Variants in JAM2 observed in about 807,000 individuals in gnomAD.
JAM2 encodes the protein junctional adhesion molecule 2, also known as junctional adhesion molecule B.
In JAM2, 17 loss-of-function variants were observed where a neutral mutation model predicts 42.0. The ratio of observed to expected loss-of-function variants is 0.40; its 90% CI spans 0.28 to 0.61. The LOEUF (loss-of-function observed/expected upper bound fraction) is 0.61, where lower values mean the gene tolerates loss of function less well. Among genes scored for constraint, JAM2 ranks in the 20% least tolerant of loss-of-function variants. The probability of loss-of-function intolerance (pLI) is 0.37; values close to 1 mark genes in which losing one functional copy is unlikely to be tolerated. For missense variants in JAM2, 319 were observed against 358.3 expected (o/e 0.89, Z 0.89); for synonymous variants, 118 against 128.6 (o/e 0.92, Z 0.56).
At chr21:25,662,412 A>G (rs1279920071) in intron 1 of JAM2, among the ~76,000 whole-genome samples, 1 of 147,142 alleles carries the variant, frequency 6.8e-6, no homozygotes, top group South Asian at 2.2e-4. Flanking sequence ...AGCCTCCCAG[A>G]GTGCTAGGAT....
rs377500824 is a variant in JAM2 at position 25,716,963 on chromosome 21, C to A, written c.*2291C>A. ...ATCAACTTCTTCAGTTTAAATGACA[C>A]AAATCCATATTGTGGAAGGAAAATA... On this transcript the variant is annotated 3_prime_UTR_variant, in exon 10 of 10. Transcript: ENST00000480456. 3.9e-5 allele frequency: 6 copies of A among 152,234 alleles called. No individual in the cohort carries two copies. Among genetic ancestry groups the A allele is most frequent in the African/African-American group, 1.2e-4 (5 of 41,468 alleles). The allele number at this position is 152,234 out of a possible 1,614,324, so 9.4% of individuals were successfully genotyped here.
At chr21:25,647,936 C>T (rs1390028210) in intron 1 of JAM2, among the ~76,000 whole-genome samples, 1 of 152,178 alleles carries the variant, frequency 6.6e-6, no homozygotes, top group African/African-American at 2.4e-5. Flanking sequence ...GAGGGCTGGG[C>T]GCTGTGACTC....
Position 25,681,460 on chromosome 21 carries a change from A to G in JAM2, c.68-2423A>G, listed in dbSNP as rs537471385. On this transcript the variant is annotated intron_variant, in intron 1 of 9. Coordinates refer to ENST00000480456, the MANE Select transcript of JAM2 (RefSeq NM_021219.4). ...GTGGGGAAAAGCCCCTTATAAAACCATCAGATCTCGTGAGAACTCACTCAC... is the reference window on the plus strand; with the variant it reads ...GTGGGGAAAAGCCCCTTATAAAACCGTCAGATCTCGTGAGAACTCACTCAC... 2.0e-5 allele frequency among the ~76,000 whole-genome samples: 3 copies of G among 152,302 alleles called. No individual in the cohort carries two copies. The East Asian group carries it at 5.8e-4, about 29-fold the overall frequency.
At chr21:25,694,718 T>C (rs538243321) in intron 4 of JAM2, among the ~76,000 whole-genome samples, 7 of 152,176 alleles carry the variant, frequency 4.6e-5, no homozygotes, top group Non-Finnish European at 1.0e-4. Flanking sequence ...TATGCACCTG[T>C]AGTCTCAGCT....
intron 1 of JAM2, among the ~76,000 whole-genome samples, chr21:25,679,666 T>C (rs2123361846): frequency 6.6e-6 from 1 of 152,354 alleles, no homozygotes; most frequent in East Asian, 1.9e-4. Flanking sequence ...TGGGGTTACG[T>C]TGGTGTCCTA....
intron 1 of JAM2, among the ~76,000 whole-genome samples, chr21:25,675,146 T>C (rs1402433267): frequency 1.3e-5 from 2 of 152,040 alleles, no homozygotes; most frequent in Admixed American, 6.6e-5. Context: ...TCTCACATGG[T>C]GTGACAGGCA....
chr21:25,667,895 T>A (rs1236079765), intron 1 of JAM2, among the ~76,000 whole-genome samples: 3 of 151,836 alleles, frequency 2.0e-5, no homozygotes, highest in Non-Finnish European at 1.5e-5. Context: ...TTTGAAAATA[T>A]GAAAAAAGAA....
intron 3 of JAM2, among the ~76,000 whole-genome samples, chr21:25,693,112 T>TA (rs1223896526): frequency 6.6e-6 from 1 of 152,152 alleles, no homozygotes; most frequent in African/African-American, 2.4e-5. Context: ...TTATTAACCT[T>TA]ACACATAAAG....
At position 25,689,920 on chromosome 21, in the gene JAM2, G is replaced by A. The variant is rs1459974190; in HGVS notation, c.188G>A (p.Trp63Ter). Reference sequence around the variant, plus strand: ...AAGACTGTTTCCTCCAGATTAGAGTGGAAGAAACTGGGTCGGAGTGTCTCC... The same window carrying A: ...AAGACTGTTTCCTCCAGATTAGAGTAGAAGAAACTGGGTCGGAGTGTCTCC... Reference protein sequence around the residue: ...PKKTVSSRLEWKKLGRSVSFV... With the variant: ...PKKTVSSRLE The change falls in exon 3 of 10, where the codon TGG (tryptophan) becomes TAG (stop). Residue 63 changes from tryptophan (W) to a stop codon, truncating the protein, a stop_gained. Coordinates refer to ENST00000480456, the MANE Select transcript of JAM2 (RefSeq NM_021219.4). LOFTEE classifies it high-confidence loss of function. 1 of 1,613,752 alleles carries A rather than the reference G, an allele frequency of 6.2e-7. No individual in the cohort carries two copies. Among genetic ancestry groups the A allele is most frequent in the Non-Finnish European group, 8.5e-7 (1 of 1,179,826 alleles).
At position 25,712,371 on chromosome 21, in the gene JAM2, A is replaced by G. The variant is rs2034401624; in HGVS notation, c.853A>G (p.Met285Val). Reference sequence around the variant, plus strand: ...TAATTCTTCATCTAAAGCCACGACAATGAGTGAAAATGTGAGTATCTTTAA... The same window carrying G: ...TAATTCTTCATCTAAAGCCACGACAGTGAGTGAAAATGTGAGTATCTTTAA... ...KSNSSSKATT[M>V]SENDFKHTKS... Residue 285 changes from methionine (M) to valine (V), a missense_variant, in exon 9 of 10, where the codon ATG becomes GTG. By Grantham distance (21) the Met-to-Val change is conservative. Coordinates refer to ENST00000480456, the MANE Select transcript of JAM2 (RefSeq NM_021219.4). 2 of 1,594,314 alleles carry G rather than the reference A, an allele frequency of 1.3e-6. No homozygotes were observed. Among genetic ancestry groups the G allele is most frequent in the Non-Finnish European group, 1.7e-6 (2 of 1,162,804 alleles).
chr21:25,699,282 T>C (rs1162929793), intron 5 of JAM2, among the ~76,000 whole-genome samples: 1 of 152,150 alleles, frequency 6.6e-6, no homozygotes, highest in Non-Finnish European at 1.5e-5. Flanking sequence ...AAAGGAAATG[T>C]TTATTATTTG....
chr21:25,670,443 G>T (rs1244223236), intron 1 of JAM2, among the ~76,000 whole-genome samples: 5 of 151,782 alleles, frequency 3.3e-5, no homozygotes, highest in Non-Finnish European at 5.9e-5. Flanking sequence ...CTATGATCAC[G>T]CCACTGCACT....
intron 1 of JAM2, among the ~76,000 whole-genome samples, chr21:25,658,529 T>C (rs930096423): frequency 1.3e-5 from 2 of 151,960 alleles, no homozygotes; most frequent in African/African-American, 4.8e-5. Context: ...TGTGAAAGAA[T>C]ATAAAAGAGC....
chr21:25,648,910 A>C (rs964181203), intron 1 of JAM2, among the ~76,000 whole-genome samples: 2 of 152,068 alleles, frequency 1.3e-5, no homozygotes, highest in East Asian at 3.8e-4. Context: ...AAAATTATAT[A>C]ACTTTTTAGC....
intron 4 of JAM2, among the ~76,000 whole-genome samples, chr21:25,694,946 A>G (rs1048592403): frequency 3.3e-5 from 5 of 150,958 alleles, no homozygotes; most frequent in African/African-American, 9.7e-5. Context: ...ACCAAGTTAC[A>G]AGACTAAAAC....
At chr21:25,649,211 C>T (rs996910679) in intron 1 of JAM2, among the ~76,000 whole-genome samples, 1 of 152,120 alleles carries the variant, frequency 6.6e-6, no homozygotes, top group African/African-American at 2.4e-5. Flanking sequence ...GAACAAAGCA[C>T]GTATTAGTGT....
intron 7 of JAM2, among the ~76,000 whole-genome samples, chr21:25,708,456 T>C (rs77444074): frequency 0.022 from 3,376 of 152,280 alleles, 133 homozygotes; most frequent in African/African-American, 0.077. Flanking sequence ...TAGTTCCAGC[T>C]ACTCAGGAGG....
At chr21:25,669,161 C>T (rs1474182365) in intron 1 of JAM2, among the ~76,000 whole-genome samples, 1 of 151,914 alleles carries the variant, frequency 6.6e-6, no homozygotes, top group African/African-American at 2.4e-5. Context: ...TCACTTGAGC[C>T]CACAAGTTTG....
At chr21:25,690,774 G>T (rs1162041450) in intron 3 of JAM2, among the ~76,000 whole-genome samples, 2 of 152,184 alleles carry the variant, frequency 1.3e-5, no homozygotes, top group African/African-American at 4.8e-5. Flanking sequence ...CCACTGAGAA[G>T]CTCAGGGAGT....
Sources: gnomAD v4.1 joint callset for allele counts (sites outside exome capture counted in the v4.1 genomes callset) on GRCh38, gnomAD v4.1.1 for gene constraint, MANE v1.5 for transcripts, NCBI Gene and HGNC (gene_info 2026-07-23, HGNC 2026-07-21) for gene names.